Variants in C11orf54 observed in about 807,000 individuals in gnomAD.
C11orf54 encodes beta-keto-L-gulonate decarboxylase.
Under a neutral mutation model 35.5 loss-of-function variants are expected in C11orf54, and 29 were observed. The ratio of observed to expected loss-of-function variants is 0.82; its 90% CI spans 0.61 to 1.11. The LOEUF is 1.11. Among genes scored for constraint, C11orf54 ranks in the 50% most tolerant of loss-of-function variants. The probability of loss-of-function intolerance (pLI) is 0.00; values close to 1 mark genes in which losing one functional copy is unlikely to be tolerated. For missense variants in C11orf54, 373 were observed against 369.2 expected, an observed-to-expected ratio of 1.01 and a Z score of -0.08; for synonymous variants, 108 against 121.1, an observed-to-expected ratio of 0.89 and a Z score of 0.71.
At chr11:93,742,531 C>T (rs1190381053) in intron 1 of C11orf54, among the ~76,000 whole-genome samples, 1 of 152,102 alleles carries the variant, frequency 6.6e-6, no homozygotes, top group Non-Finnish European at 1.5e-5. Flanking sequence ...GTGATCCTCC[C>T]GCCTCGGCCT....
intron 8 of C11orf54, among the ~76,000 whole-genome samples, chr11:93,760,782 C>T (rs2135680522): frequency 2.0e-5 from 3 of 152,202 alleles, no homozygotes; most frequent in African/African-American, 7.2e-5. Flanking sequence ...CCTCACCCTC[C>T]TGAGTAGCTG....
intron 7 of C11orf54, among the ~76,000 whole-genome samples, chr11:93,758,971 C>G (rs1271299382): frequency 2.0e-5 from 3 of 152,216 alleles, no homozygotes; most frequent in Non-Finnish European, 4.4e-5. Context: ...CCACTGCACT[C>G]CAGCCTGGGT....
chr11:93,757,840 T>A (rs1215482643), intron 7 of C11orf54, among the ~76,000 whole-genome samples: 1 of 152,178 alleles, frequency 6.6e-6, no homozygotes, highest in Non-Finnish European at 1.5e-5. Flanking sequence ...GATCTTAGGA[T>A]TGTAAAGTAT....
intron 8 of C11orf54, 129 bp downstream of exon 8, chr11:93,759,987 C>G (rs1943372580): frequency 3.4e-6 from 2 of 593,306 alleles, no homozygotes; most frequent in Admixed American, 2.7e-5. Flanking sequence ...ACTCTTGTTG[C>G]CCAGGCTAGA....
At chr11:93,751,696 G>A (rs755287044) in intron 3 of C11orf54, among the ~76,000 whole-genome samples, 8 of 151,744 alleles carry the variant, frequency 5.3e-5, no homozygotes, top group East Asian at 3.9e-4. Flanking sequence ...GAGCCACCAC[G>A]CCCAGCCTTG....
intron 2 of C11orf54, 38 bp downstream of exon 2, chr11:93,747,486 C>A (rs147381708): frequency 1.3e-6 from 2 of 1,496,740 alleles, no homozygotes; most frequent in East Asian, 2.3e-5. Context: ...TAAAAATTAT[C>A]CCAAGAGAAA....
rs548872512 is a variant in C11orf54 at position 93,761,458 on chromosome 11, C to T, written c.775-57C>T. On this transcript the variant is annotated intron_variant, in intron 8 of 8. Coordinates refer to ENST00000354421, the MANE Select transcript of C11orf54 (RefSeq NM_001286069.2). The stretch of plus-strand genomic sequence containing the variant: ...TTGCAACGTAAAAAGTTATCCCTCC[C>T]CCTTAAACTCTAATCAATAATTTGA... 5.2e-5 allele frequency: 76 copies of T among 1,453,644 alleles called. No homozygotes were observed. The East Asian group carries it at 1.8e-3, about 34-fold the overall frequency. 90.0% of individuals were successfully genotyped at this position (1,453,644 alleles called of 1,614,324 possible).
intron 3 of C11orf54, among the ~76,000 whole-genome samples, chr11:93,752,088 G>C (rs1942865463): frequency 6.6e-6 from 1 of 151,038 alleles, no homozygotes; most frequent in African/African-American, 2.4e-5. Flanking sequence ...CTCAAGTGAT[G>C]TGCCCGCCTC....
rs777352912 is a variant in C11orf54, at chr11:93,761,733, AATTG to A, written c.*51_*54del. Reference sequence around the variant, plus strand: ...GAAAAAGAAATAATTAAGGTTAATTAATTGATTGACTTATTAATTAATACTGATA... The same window carrying A: ...GAAAAAGAAATAATTAAGGTTAATTAATTGACTTATTAATTAATACTGATA... On this transcript the variant is annotated 3_prime_UTR_variant, in exon 9 of 9. Coordinates refer to ENST00000354421, the MANE Select transcript of C11orf54 (RefSeq NM_001286069.2). The A allele has an allele frequency of 2.3e-5, 35 of 1,499,030 alleles. No individual in the cohort carries two copies. The highest frequency in any genetic ancestry group is 9.7e-5 in the East Asian group (4 of 41,162). 92.9% of individuals were successfully genotyped at this position (1,499,030 alleles called of 1,614,324 possible).
In C11orf54 at chr11:93,747,353, T is replaced by C. The variant is rs372149119; in HGVS notation, c.-41T>C. 1,558 of 1,506,004 alleles carry C rather than the reference T, an allele frequency of 1.0e-3. 2 individuals carry two copies. Among genetic ancestry groups the C allele is most frequent in the Non-Finnish European group, 1.2e-3 (1,285 of 1,113,424 alleles). 93.3% of individuals were successfully genotyped at this position (1,506,004 alleles called of 1,614,324 possible). A position where few individuals can be genotyped will look rare whatever the true frequency, so the allele number is the denominator to read the frequency against. On this transcript the variant is annotated 5_prime_UTR_variant, in exon 2 of 9. Transcript: ENST00000354421. ...GACTCTTGTGATAATTAACCAAGAG[T>C]AGCTCTATTTGTCCAACCTCACACC...
rs1942317044 is a variant in C11orf54, at chr11:93,744,190, G to C, written c.-98+2462G>C. Among the ~76,000 whole-genome samples the C allele has an allele frequency of 3.3e-5, 5 of 152,178 alleles. No homozygotes were observed. In the South Asian group the frequency reaches 1.0e-3, roughly 32 times the overall value. On this transcript the variant is annotated intron_variant, in intron 1 of 8. Coordinates refer to ENST00000354421, the MANE Select transcript of C11orf54 (RefSeq NM_001286069.2). ...ACAAGTGTCTGTTATAGAAATACTT[G>C]AGAGTCCTATATGCACTGTTATCCA... is the stretch of plus-strand genomic sequence containing the variant.
chr11:93,742,224 C>T (rs541994519), intron 1 of C11orf54: 6 of 152,416 alleles, frequency 3.9e-5, no homozygotes, highest in Admixed American at 2.6e-4. Context: ...TGACCGGTTC[C>T]TGAGTTAAGA....
At chr11:93,743,686 C>G (rs114161575) in intron 1 of C11orf54, among the ~76,000 whole-genome samples, 121 of 152,312 alleles carry the variant, frequency 7.9e-4, no homozygotes, top group African/African-American at 2.8e-3. Context: ...TGTCTTACAA[C>G]CTGTCATGGT....
In C11orf54 at chr11:93,762,667, T is replaced by G. The variant is rs1183002071; in HGVS notation, c.*979T>G. On this transcript the variant is annotated 3_prime_UTR_variant, in exon 9 of 9. Coordinates refer to ENST00000354421, the MANE Select transcript of C11orf54 (RefSeq NM_001286069.2). Reference sequence around the variant, plus strand: ...ACATTAGCAACTAGTTGGCTAGCCATAATTCCTCCCTTGTTTCGATTGCCA... The same window carrying G: ...ACATTAGCAACTAGTTGGCTAGCCAGAATTCCTCCCTTGTTTCGATTGCCA... The G allele has an allele frequency of 1.3e-5, 2 of 152,206 alleles. No homozygotes were observed. Among genetic ancestry groups the G allele is most frequent in the African/African-American group, 4.8e-5 (2 of 41,456 alleles). 9.4% of individuals were successfully genotyped at this position (152,206 alleles called of 1,614,324 possible).
Position 93,756,917 on chromosome 11 carries a change from T to G in C11orf54, c.508-399T>G, listed in dbSNP as rs550208326. Among the ~76,000 whole-genome samples the G allele has an allele frequency of 3.3e-5, 5 of 152,058 alleles. 1 individual carries two copies. The highest frequency in any genetic ancestry group is 9.7e-5 in the African/African-American group (4 of 41,450). On this transcript the variant is annotated intron_variant, in intron 6 of 8. Transcript: ENST00000354421. Reference sequence around the variant, plus strand: ...CAGAATTTTAAGGGAAGTGAGAAAATGTAATCATTTTCTCCTCATCCCCAC... The same window carrying G: ...CAGAATTTTAAGGGAAGTGAGAAAAGGTAATCATTTTCTCCTCATCCCCAC...
intron 8 of C11orf54, among the ~76,000 whole-genome samples, chr11:93,760,839 A>G (rs611762): frequency 0.55 from 83,775 of 151,098 alleles, 24,616 homozygotes; most frequent in Admixed American, 0.69. Flanking sequence ...TTGTATTTTC[A>G]GTAGAGACAG....
At chr11:93,748,805 C>T (rs527661922) in intron 2 of C11orf54, among the ~76,000 whole-genome samples, 4 of 149,002 alleles carry the variant, frequency 2.7e-5, no homozygotes, top group South Asian at 2.1e-4. Context: ...CACTGTACTT[C>T]GACCTGGGCA....
chr11:93,752,651 A>C (rs565968278), intron 3 of C11orf54, among the ~76,000 whole-genome samples: 1 of 151,698 alleles, frequency 6.6e-6, no homozygotes, highest in South Asian at 2.1e-4. Context: ...TATTTCTAGT[A>C]ATCTATCTGG....
chr11:93,743,591 C>G (rs942652116), intron 1 of C11orf54, among the ~76,000 whole-genome samples: 2 of 152,182 alleles, frequency 1.3e-5, no homozygotes, highest in Non-Finnish European at 2.9e-5. Flanking sequence ...GGAGCGAGCG[C>G]TTTTGGTCGC....
Sources: gnomAD v4.1 joint callset for allele counts (sites outside exome capture counted in the v4.1 genomes callset) on GRCh38, gnomAD v4.1.1 for gene constraint, MANE v1.5 for transcripts, NCBI Gene and HGNC (gene_info 2026-07-23, HGNC 2026-07-21) for gene names.